Variants in IGDCC4 observed in about 807,000 individuals in gnomAD.
The protein encoded by IGDCC4 is immunoglobulin superfamily DCC subclass member 4, also known as likely ortholog of mouse neighbor of Punc E11.
A neutral mutation model predicts 116.6 loss-of-function variants in IGDCC4; 72 were observed. The observed-to-expected ratio is 0.62, with a 90% confidence interval of 0.51 to 0.75. The LOEUF (loss-of-function observed/expected upper bound fraction) is 0.75. IGDCC4 is among the 30% of genes least tolerant of loss of function. The pLI is 0.00. For synonymous variants in IGDCC4, 709 were observed against 719.9 expected (o/e 0.98, Z 0.24); for missense variants, 1,501 against 1,662.4 (o/e 0.90, Z 1.69).
At chr15:65,399,091 G>C (rs181772353) in intron 5 of IGDCC4, among the ~76,000 whole-genome samples, 1 of 152,200 alleles carries the variant, frequency 6.6e-6, no homozygotes, top group Non-Finnish European at 1.5e-5. Flanking sequence ...ATTAGCAGGG[G>C]ACCTTGTTAA....
At chr15:65,399,851 G>A (rs2062968063) in intron 5 of IGDCC4, among the ~76,000 whole-genome samples, 1 of 152,228 alleles carries the variant, frequency 6.6e-6, no homozygotes, top group Admixed American at 6.5e-5. Flanking sequence ...ATGAGTTGGG[G>A]AAAGGGGTAA....
At position 65,382,913 on chromosome 15, in the gene IGDCC4, C is replaced by T. The variant is rs2607876; in HGVS notation, c.*1096G>A. The T allele has an allele frequency of 0.89, 134,793 of 151,910 alleles. 59,736 individuals are homozygous for T. Among genetic ancestry groups the T allele is most frequent in the Middle Eastern group, 0.94 (278 of 296 alleles). 9.4% of individuals were successfully genotyped at this position (151,910 alleles called of 1,614,324 possible). On this transcript the variant is annotated 3_prime_UTR_variant, in exon 20 of 20. Transcript: ENST00000352385. ...TTTATTCTGAGCCTCTGGATCACAG[C>T]CCCCTTCCCTGTCTCAAACATTCCC...
rs932236450 is a variant in IGDCC4, at chr15:65,393,076, T to A, written c.1885+285A>T. Reference sequence around the variant, plus strand: ...GCAGCTACAATTCAATGAGTTTTTATGTACTAAGCACTTTAGTTACAATAC... The same window carrying A: ...GCAGCTACAATTCAATGAGTTTTTAAGTACTAAGCACTTTAGTTACAATAC... On this transcript the variant is annotated intron_variant, in intron 10 of 19. Transcript: ENST00000352385. The surrounding 1 kb of genome is among the most constrained non-coding windows in gnomAD (Gnocchi z 4.6). Among the ~76,000 whole-genome samples the A allele has an allele frequency of 1.3e-5, 2 of 152,222 alleles. No homozygotes were observed. The highest frequency in any genetic ancestry group is 2.9e-5 in the Non-Finnish European group (2 of 68,032).
rs370404254 is a variant in IGDCC4, at chr15:65,393,329, C to G, written c.1885+32G>C. 7 of 1,579,524 alleles carry G rather than the reference C, an allele frequency of 4.4e-6. No individual in the cohort carries two copies. Among genetic ancestry groups the G allele is most frequent in the Non-Finnish European group, 6.0e-6 (7 of 1,160,096 alleles). On this transcript the variant is annotated intron_variant, in intron 10 of 19. Coordinates refer to ENST00000352385, the MANE Select transcript of IGDCC4 (RefSeq NM_020962.3). This position sits in a 1 kb window ranked among gnomAD's most constrained non-coding sequence, Gnocchi z 4.6. ...ACACGCACACCCACACAGTCACACA[C>G]ACACTGTCCTGTCTCTCCTCTAACC...
chr15:65,394,996 G>A, intron 8 of IGDCC4, 98 bp downstream of exon 8: 2 of 1,323,548 alleles, frequency 1.5e-6, no homozygotes, highest in South Asian at 3.0e-5. Flanking sequence ...GATATGAGCA[G>A]GTAAAAATGC....
chr15:65,417,860 TG>T (rs1435835684), intron 1 of IGDCC4, among the ~76,000 whole-genome samples: 2 of 152,198 alleles, frequency 1.3e-5, no homozygotes, highest in Non-Finnish European at 2.9e-5. Flanking sequence ...CCTCCCAAAG[TG>T]CTGGGATTAC....
Position 65,402,344 on chromosome 15 carries a change from C to T in IGDCC4, c.700+7G>A, listed in dbSNP as rs1056886648. On this transcript the variant is annotated splice_region_variant and intron_variant, in intron 4 of 19. Coordinates refer to ENST00000352385, the MANE Select transcript of IGDCC4 (RefSeq NM_020962.3). ...CCCAGGTTTCCCCACCCAGCCAGCC[C>T]CCTTACCTCTGTGGGCCACACTGAG... The T allele has an allele frequency of 1.3e-6, 2 of 1,562,132 alleles. No individual in the cohort carries two copies. Among genetic ancestry groups the T allele is most frequent in the Non-Finnish European group, 1.7e-6 (2 of 1,152,618 alleles).
chr15:65,385,215 GGTCCAGACTGTCA>G lies in IGDCC4; in HGVS notation c.3181-113_3181-101del. 2.4e-6 allele frequency: 3 copies of G among 1,228,120 alleles called. No individual in the cohort carries two copies. The South Asian group carries it at 4.3e-5, about 18-fold the overall frequency. The allele number at this position is 1,228,120 out of a possible 1,614,324, so 76.1% of individuals were successfully genotyped here. The stretch of plus-strand genomic sequence containing the variant: ...ATTGGGATGGGCCGCGGGGGAGCAG[GGTCCAGACTGTCA>G]CCCGCTGCTCTCTCCCTCTCCAAGG... On this transcript the variant is annotated intron_variant, in intron 18 of 19. Transcript: ENST00000352385.
Position 65,422,938 on chromosome 15 carries a change from G to A in IGDCC4, c.-76C>T. Reference sequence around the variant, plus strand: ...CGCCGCCGCGGGGGGAGAGCGCGCCGGGCGTCAGTGGCCCGGGGAGGCGCG... The same window carrying A: ...CGCCGCCGCGGGGGGAGAGCGCGCCAGGCGTCAGTGGCCCGGGGAGGCGCG... On this transcript the variant is annotated 5_prime_UTR_variant, in exon 1 of 20. Transcript: ENST00000352385. 5.4e-6 allele frequency: 5 copies of A among 923,022 alleles called. No individual in the cohort carries two copies. The highest frequency in any genetic ancestry group is 4.9e-5 in the South Asian group (1 of 20,500). The allele number at this position is 923,022 out of a possible 1,614,324, so 57.2% of individuals were successfully genotyped here.
In IGDCC4 at chr15:65,396,065, G is replaced by C. The variant is rs1488419605; in HGVS notation, c.1096C>G (p.Leu366Val). ...CRASGEPRPA[L>V]RWLHNGAPLR... ...GGCGCCCCGTTGTGCAGCCAGCGCA[G>C]CGCTGGCCGCGGCTCCCCCGACGCG... Residue 366 changes from leucine to valine, a missense_variant, in exon 7 of 20, where the codon CTG becomes GTG. Physicochemically the swap from Leu to Val is conservative, Grantham distance 32 (BLOSUM62 1). Transcript: ENST00000352385. The C allele has an allele frequency of 1.4e-6, 2 of 1,397,126 alleles. No homozygotes were observed. Among genetic ancestry groups the C allele is most frequent in the African/African-American group, 3.0e-5 (2 of 66,270 alleles). The allele number at this position is 1,397,126 out of a possible 1,614,324, so 86.5% of individuals were successfully genotyped here. A position where few individuals can be genotyped will look rare whatever the true frequency, so the allele number is the denominator to read the frequency against.
chr15:65,392,493 G>A, intron 10 of IGDCC4, 123 bp from the exon 11 acceptor site: 1 of 728,058 alleles, frequency 1.4e-6, no homozygotes, highest in Non-Finnish European at 2.2e-6. Context: ...CATTCAGTGA[G>A]AGCCTTTTGC....
At chr15:65,416,864 AT>A (rs1372005007) in intron 1 of IGDCC4, among the ~76,000 whole-genome samples, 3 of 152,188 alleles carry the variant, frequency 2.0e-5, no homozygotes, top group Non-Finnish European at 4.4e-5. Flanking sequence ...ACTGGATTTT[AT>A]GAGGCCAATT....
rs369104671 is a variant in IGDCC4, at chr15:65,390,256, C to G, written c.2307G>C (p.Arg769=). The change falls in exon 13 of 20, where the codon CGG becomes CGC. Residue 769 remains arginine, a synonymous_variant. Transcript: ENST00000352385. Reference sequence around the variant, plus strand: ...CTGTGGTGAAATCTGGCTTTTTCCACCGAAGCCAGATGGATGTGGAGCTGT... The same window carrying G: ...CTGTGGTGAAATCTGGCTTTTTCCAGCGAAGCCAGATGGATGTGGAGCTGT... The part of the protein sequence containing the change: ...ESNSSTSIWL[R]WKKPDFTTVK... The G allele has an allele frequency of 8.7e-6, 14 of 1,613,492 alleles. No individual in the cohort carries two copies. Among genetic ancestry groups the G allele is most frequent in the Non-Finnish European group, 1.2e-5 (14 of 1,179,586 alleles).
chr15:65,407,292 A>G (rs2063049016), intron 3 of IGDCC4, among the ~76,000 whole-genome samples: 1 of 95,414 alleles, frequency 1.0e-5, no homozygotes, highest in Non-Finnish European at 2.3e-5. Context: ...TGTTTTTGAA[A>G]AAAAAAAAAG....
chr15:65,404,317 T>C (rs2063019863), intron 3 of IGDCC4, among the ~76,000 whole-genome samples: 1 of 152,126 alleles, frequency 6.6e-6, no homozygotes, highest in South Asian at 2.1e-4. Flanking sequence ...ACATAAGTGC[T>C]GGGGCAGAGC....
chr15:65,385,757 T>C, intron 18 of IGDCC4, 74 bp downstream of exon 18: 2 of 1,221,032 alleles, frequency 1.6e-6, no homozygotes, highest in South Asian at 1.2e-5. Flanking sequence ...CATGCTCGCA[T>C]AGCCACGCGT....
At chr15:65,405,275 C>T (rs549221954) in intron 3 of IGDCC4, among the ~76,000 whole-genome samples, 293 of 145,870 alleles carry the variant, frequency 2.0e-3, no homozygotes, top group African/African-American at 7.2e-3. Context: ...AGTGAGATTA[C>T]GGGGGATTCT....
At chr15:65,386,297 G>T (rs1270668583) in intron 17 of IGDCC4, among the ~76,000 whole-genome samples, 1 of 152,236 alleles carries the variant, frequency 6.6e-6, no homozygotes, top group Non-Finnish European at 1.5e-5. Flanking sequence ...TTTCCAAGAT[G>T]CTGGCAGCTA....
intron 1 of IGDCC4, among the ~76,000 whole-genome samples, chr15:65,419,311 C>T (rs1779226772): frequency 6.6e-6 from 1 of 151,522 alleles, no homozygotes; most frequent in South Asian, 2.1e-4. Flanking sequence ...AAGCGATCCT[C>T]CTGCCTCAGC....
Sources: gnomAD v4.1 joint callset for allele counts (sites outside exome capture counted in the v4.1 genomes callset) on GRCh38, gnomAD v4.1.1 for gene constraint, Gnocchi (gnomAD v3.1) non-coding constraint, MANE v1.5 for transcripts, NCBI Gene and HGNC (gene_info 2026-07-23, HGNC 2026-07-21) for gene names.